The following GRM6 variants were observed in gnomAD, a reference collection of about 807,000 sequenced individuals.
GRM6 encodes metabotropic glutamate receptor 6.
GRM6 carries 73 observed loss-of-function variants against 78.4 expected under a neutral mutation model. That is an observed-to-expected ratio of 0.93 (90% CI 0.77 to 1.13). The LOEUF is 1.13. GRM6 is among the 50% of genes most tolerant of loss of function. GRM6 has a pLI of 0.00. For missense variants in GRM6, 1,251 were observed against 1,256.4 expected (o/e 1.00, Z 0.07); for synonymous variants, 580 against 555.0 (o/e 1.05, Z -0.63).
Position 178,981,730 on chromosome 5 carries a change from C to T in GRM6, c.2561G>A (p.Arg854Gln), listed in dbSNP as rs145110689. 2.7e-5 allele frequency: 44 copies of T among 1,614,038 alleles called. No individual in the cohort carries two copies. In the African/African-American group the frequency reaches 4.4e-4, roughly 16 times the overall value. Residue 854 changes from arginine to glutamine, a missense_variant, in exon 11 of 11, where the codon CGA (arginine) becomes CAA (glutamine). By Grantham distance (43) the Arg-to-Gln change is conservative. Coordinates refer to ENST00000517717, the MANE Select transcript of GRM6 (RefSeq NM_000843.4). The surrounding 1 kb of genome is among the most constrained non-coding windows in gnomAD (Gnocchi z 5.1). ...GGAGGTGGCCTTGAGGCTCCGCTTT[C>T]GCTTCTGCACATTCTGCTCTGGATG... The part of the protein sequence containing the change: ...LFHPEQNVQK[R>Q]KRSLKATSTV...
Position 178,994,819 on chromosome 5 carries a change from GC to G in GRM6, c.125del (p.Gly42AlafsTer19). 2 of 1,255,796 alleles carry G rather than the reference GC, an allele frequency of 1.6e-6. No homozygotes were observed. Among genetic ancestry groups the G allele is most frequent in the South Asian group, 5.1e-5 (2 of 39,470 alleles). 77.8% of individuals were successfully genotyped at this position (1,255,796 alleles called of 1,614,324 possible). On this transcript the variant is annotated frameshift_variant, in exon 2 of 11. Transcript: ENST00000517717. LOFTEE classifies it high-confidence loss of function. ...CCCGCGCGTGCACCGGGAACAGGCC[GC>G]CCAGCGTCAGGCCGCCCGCCAGGCG... The part of the protein sequence containing the change: ...SVRLAGGLTL[G>X]GLFPVHARGA...
rs577843953 is a variant in GRM6, at chr5:178,988,776, C to T, written c.1354+159G>A. Among the ~76,000 whole-genome samples, 21 of 152,226 alleles carry T rather than the reference C, an allele frequency of 1.4e-4. No individual in the cohort carries two copies. The highest frequency in any genetic ancestry group is 9.2e-4 in the Admixed American group (14 of 15,294). ...GGGAGCAGTGTTAAAAATTGGGGAC[C>T]GGAACTTGTCTCATGTCTTTGGCAC... On this transcript the variant is annotated intron_variant, in intron 7 of 10. Transcript: ENST00000517717. This position sits in a 1 kb window ranked among gnomAD's most constrained non-coding sequence, Gnocchi z 6.0.
intron 5 of GRM6, chr5:178,989,794 T>G: frequency 2.9e-6 from 1 of 344,214 alleles, no homozygotes; most frequent in Non-Finnish European, 5.6e-6. Context: ...AGCCATCTTG[T>G]GACTATGAGA....
intron 9 of GRM6, chr5:178,985,333 C>G (rs774408893): frequency 2.2e-6 from 1 of 448,518 alleles, no homozygotes; most frequent in South Asian, 1.6e-5. Flanking sequence ...CTTCAAGGAC[C>G]CAGCAGGGGA....
chr5:178,990,633 A>T lies in GRM6; in HGVS notation c.971T>A (p.Val324Asp). 6.2e-7 allele frequency: 1 copy of T among 1,612,834 alleles called. No individual in the cohort carries two copies. The highest frequency in any genetic ancestry group is 1.1e-5 in the South Asian group (1 of 90,836). ...SPILSLEDVA[V>D]GAITILPKRA... ...TTTGGGCAGGATGGTGATGGCCCCA[A>T]CGGCCACGTCCTCCAGGCTCAAGAT... is the stretch of plus-strand genomic sequence containing the variant. The change falls in exon 5 of 11, where the codon GTT (valine) becomes GAT (aspartate). Residue 324 changes from valine to aspartate, a missense_variant. Physicochemically the swap from Val to Asp is radical, Grantham distance 152. Coordinates refer to ENST00000517717, the MANE Select transcript of GRM6 (RefSeq NM_000843.4).
Position 178,992,218 on chromosome 5 carries a change from AGGGTT to A in GRM6, c.505-140_505-136del. On this transcript the variant is annotated intron_variant, in intron 2 of 10. Transcript: ENST00000517717. This position sits in a 1 kb window ranked among gnomAD's most constrained non-coding sequence, Gnocchi z 4.9. Reference sequence around the variant, plus strand: ...ACCTGGGACACAGATGGGAGATGGAAGGGTTGGGGTGGGGACCTGGGGCCAGCTGG... The same window carrying A: ...ACCTGGGACACAGATGGGAGATGGAAGGGGTGGGGACCTGGGGCCAGCTGG... 1.4e-6 allele frequency: 1 copy of A among 717,602 alleles called. No individual in the cohort carries two copies. The highest frequency in any genetic ancestry group is 2.5e-6 in the Non-Finnish European group (1 of 401,874). 44.5% of individuals were successfully genotyped at this position (717,602 alleles called of 1,614,324 possible).
intron 9 of GRM6, among the ~76,000 whole-genome samples, chr5:178,985,456 C>A (rs1760494311): frequency 6.6e-6 from 1 of 151,092 alleles, no homozygotes; most frequent in African/African-American, 2.4e-5. Context: ...GTCATCCCAG[C>A]ACTTTGGGAG....
chr5:178,989,496 G>A lies in GRM6; in HGVS notation c.1013-91C>T, dbSNP rs7726018. On this transcript the variant is annotated intron_variant, in intron 5 of 10. Transcript: ENST00000517717. ...TCTGCCACTTGCTCACTTTCAGCTA[G>A]GAGTGGCCAGGTGAGCTAGGAGTGG... is the stretch of plus-strand genomic sequence containing the variant. 8,987 of 1,520,958 alleles carry A rather than the reference G, an allele frequency of 5.9e-3. 445 individuals are homozygous for A. In the African/African-American group the frequency reaches 0.11, roughly 18 times the overall value. 94.2% of individuals were successfully genotyped at this position (1,520,958 alleles called of 1,614,324 possible). A position where few individuals can be genotyped will look rare whatever the true frequency, so the allele number is the denominator to read the frequency against.
At chr5:178,983,607 G>A (rs559849827) in intron 9 of GRM6, 14 of 397,056 alleles carry the variant, frequency 3.5e-5, no homozygotes, top group Admixed American at 3.0e-4. Context: ...TGGAACTGAG[G>A]CCCTACTCGC....
rs1760328483 is a variant in GRM6 at position 178,978,404 on chromosome 5, G to A, written c.*3253C>T. On this transcript the variant is annotated 3_prime_UTR_variant, in exon 11 of 11. Coordinates refer to ENST00000517717, the MANE Select transcript of GRM6 (RefSeq NM_000843.4). ...ACCTGGACTCTTTACAGTAAGCAATGAATGTAATAAATTAAAGGGAAATTT... is the reference window on the plus strand; with the variant it reads ...ACCTGGACTCTTTACAGTAAGCAATAAATGTAATAAATTAAAGGGAAATTT... The A allele has an allele frequency of 6.6e-6, 1 of 152,164 alleles. No homozygotes were observed. Among genetic ancestry groups the A allele is most frequent in the South Asian group, 2.1e-4 (1 of 4,824 alleles). 9.4% of individuals were successfully genotyped at this position (152,164 alleles called of 1,614,324 possible).
chr5:178,994,773 C>G lies in GRM6; in HGVS notation c.172G>C (p.Gly58Arg), dbSNP rs62638198. 2 of 1,364,048 alleles carry G rather than the reference C, an allele frequency of 1.5e-6. No individual in the cohort carries two copies. The highest frequency in any genetic ancestry group is 1.9e-6 in the Non-Finnish European group (2 of 1,051,194). The allele number at this position is 1,364,048 out of a possible 1,614,324, so 84.5% of individuals were successfully genotyped here. A position where few individuals can be genotyped will look rare whatever the true frequency, so the allele number is the denominator to read the frequency against. The change falls in exon 2 of 11, where the codon GGG becomes CGG. Residue 58 changes from glycine to arginine, a missense_variant. Transcript: ENST00000517717. ...HARGAAGRAC[G>R]QLKKEQGVHR... The stretch of plus-strand genomic sequence containing the variant: ...ACGCCCTGCTCCTTCTTCAGCTGCC[C>G]GCACGCCCGGCCCGCCGCGCCCCGC...
rs1251301545 is a variant in GRM6, at chr5:178,983,138, C to G, written c.2208G>C (p.Glu736Asp). 1 of 1,613,990 alleles carries G rather than the reference C, an allele frequency of 6.2e-7. No homozygotes were observed. Among genetic ancestry groups the G allele is most frequent in the Non-Finnish European group, 8.5e-7 (1 of 1,179,974 alleles). Reference sequence around the variant, plus strand: ...CGCACTTGAGCACCCCTCTGGCCTGCTCGGGGTCCACCGTCCGCTGTTCCT... The same window carrying G: ...CGCACTTGAGCACCCCTCTGGCCTGGTCGGGGTCCACCGTCCGCTGTTCCT... The part of the protein sequence containing the change: ...DYEEQRTVDP[E>D]QARGVLKCDM... Residue 736 changes from glutamate to aspartate, a missense_variant, in exon 10 of 11, where the codon GAG becomes GAC. Coordinates refer to ENST00000517717, the MANE Select transcript of GRM6 (RefSeq NM_000843.4).
intron 7 of GRM6, chr5:178,987,286 A>G (rs1760585917): frequency 3.6e-6 from 2 of 551,294 alleles, no homozygotes; most frequent in African/African-American, 1.9e-5. Context: ...GATTAAACAC[A>G]TGACCCAGCA....
chr5:178,986,382 G>A lies in GRM6; in HGVS notation c.1872C>T (p.Ser624=), dbSNP rs1760548177. ...PIVRASGREL[S]YVLLTGIFLI... ...GGAAGATGCCGGTGAGGAGGACGTA[G>A]CTGAGCTCTCGGCCCGAGGCCCGGA... is the stretch of plus-strand genomic sequence containing the variant. The change falls in exon 9 of 11, where the codon AGC becomes AGT. Residue 624 remains serine (S), a synonymous_variant. Coordinates refer to ENST00000517717, the MANE Select transcript of GRM6 (RefSeq NM_000843.4). 5 of 1,614,008 alleles carry A rather than the reference G, an allele frequency of 3.1e-6. No individual in the cohort carries two copies. The highest frequency in any genetic ancestry group is 4.2e-6 in the Non-Finnish European group (5 of 1,180,034).
intron 10 of GRM6, 40 bp downstream of exon 10, chr5:178,982,866 ACAGG>A (rs770566831): frequency 7.4e-7 from 1 of 1,360,214 alleles, no homozygotes; most frequent in East Asian, 2.3e-5. Flanking sequence ...GACCAGCCTG[ACAGG>A]CAGGAAACAG....
At position 178,981,565 on chromosome 5, in the gene GRM6, G is replaced by C. The variant is rs1760395076; in HGVS notation, c.*92C>G. The stretch of plus-strand genomic sequence containing the variant: ...CTTGGCAAACTCCCTGCCACTGACT[G>C]TTCACCGTGGACCCGGGCTCTATAC... On this transcript the variant is annotated 3_prime_UTR_variant, in exon 11 of 11. Transcript: ENST00000517717. The surrounding 1 kb of genome is among the most constrained non-coding windows in gnomAD (Gnocchi z 5.1). The C allele has an allele frequency of 1.0e-6, 1 of 998,494 alleles. No homozygotes were observed. The highest frequency in any genetic ancestry group is 1.5e-6 in the Non-Finnish European group (1 of 647,634). 61.9% of individuals were successfully genotyped at this position (998,494 alleles called of 1,614,324 possible). A position where few individuals can be genotyped will look rare whatever the true frequency, so the allele number is the denominator to read the frequency against.
chr5:178,986,784 C>T (rs1351161292), intron 8 of GRM6, 31 bp from the exon 9 acceptor site: 1 of 1,611,468 alleles, frequency 6.2e-7, no homozygotes, highest in Admixed American at 1.7e-5. Context: ...GCTGGGGCGT[C>T]TGCCTCCGGG....
At position 178,989,144 on chromosome 5, in the gene GRM6, G is replaced by A. The variant is rs2113336489; in HGVS notation, c.1154-9C>T. ...GCCGATGCGTTCCTCGCCTGTCCTA[G>A]GGATGCCCAGAGAAAGTGTGCCCGG... On this transcript the variant is annotated splice_polypyrimidine_tract_variant and intron_variant, in intron 6 of 10. Transcript: ENST00000517717. The A allele has an allele frequency of 6.2e-7, 1 of 1,612,998 alleles. No individual in the cohort carries two copies. The highest frequency in any genetic ancestry group is 8.5e-7 in the Non-Finnish European group (1 of 1,179,530).
rs941366669 is a variant in GRM6 at position 178,995,292 on chromosome 5, C to T, written c.-33G>A. ...GCCAGTCACCTGCGCCAGCCGCTGT[C>T]GGTTCAGGACAAGTCTGTGACAGAT... On this transcript the variant is annotated 5_prime_UTR_variant, in exon 1 of 11. Transcript: ENST00000517717. 1.3e-5 allele frequency: 2 copies of T among 154,520 alleles called. No individual in the cohort carries two copies. Among genetic ancestry groups the T allele is most frequent in the African/African-American group, 2.4e-5 (1 of 41,530 alleles). The allele number at this position is 154,520 out of a possible 1,614,324, so 9.6% of individuals were successfully genotyped here. A position where few individuals can be genotyped will look rare whatever the true frequency, so the allele number is the denominator to read the frequency against.
Sources: gnomAD v4.1 joint callset for allele counts (sites outside exome capture counted in the v4.1 genomes callset) on GRCh38, gnomAD v4.1.1 for gene constraint, Gnocchi (gnomAD v3.1) non-coding constraint, MANE v1.5 for transcripts, NCBI Gene and HGNC (gene_info 2026-07-23, HGNC 2026-07-21) for gene names.